The following GABRD variants were observed in gnomAD, a reference collection of about 807,000 sequenced individuals.
GABRD encodes the protein gamma-aminobutyric acid type A receptor subunit delta, also known as gamma-aminobutyric acid receptor subunit delta.
GABRD carries 25 observed loss-of-function variants against 47.3 expected under a neutral mutation model. The observed-to-expected ratio is 0.53, with a 90% confidence interval of 0.39 to 0.74. The LOEUF is 0.74. GABRD is among the 30% of genes least tolerant of loss of function. The pLI is 0.00. For synonymous variants in GABRD, 314 were observed against 278.8 expected (o/e 1.13, Z -1.26); for missense variants, 497 against 643.4 (o/e 0.77, Z 2.46).
In GABRD at chr1:2,030,237, G is replaced by A. The variant is rs138909980; in HGVS notation, c.1314G>A (p.Ala438=). The A allele has an allele frequency of 2.1e-5, 33 of 1,563,080 alleles. No homozygotes were observed. The African/African-American group carries it at 2.6e-4, about 12-fold the overall frequency. The change falls in exon 9 of 9, where the codon GCG becomes GCA. Residue 438 remains alanine (A), a synonymous_variant. Coordinates refer to ENST00000378585, the MANE Select transcript of GABRD (RefSeq NM_000815.5). ...ACGCCCGCGCTGTGTTCCCTGCGGC[G>A]TTTGCGGCCGTCAATGTCATCTACT... ...DIYARAVFPA[A]FAAVNVIYWA...
rs1477890771 is a variant in GABRD, at chr1:2,028,829, G to T, written c.692-282G>T. 1 of 505,768 alleles carries T rather than the reference G, an allele frequency of 2.0e-6. No homozygotes were observed. Among genetic ancestry groups the T allele is most frequent in the Non-Finnish European group, 3.5e-6 (1 of 286,250 alleles). 31.3% of individuals were successfully genotyped at this position (505,768 alleles called of 1,614,324 possible). A position where few individuals can be genotyped will look rare whatever the true frequency, so the allele number is the denominator to read the frequency against. On this transcript the variant is annotated intron_variant, in intron 6 of 8. Transcript: ENST00000378585. This position sits in a 1 kb window ranked among gnomAD's most constrained non-coding sequence, Gnocchi z 6.4. ...TGAGCCCTCCCCATTGGTTGCGAGG[G>T]TCCCTCAGGGCCAGTCCAGCAAACA...
Position 2,029,672 on chromosome 1 carries a change from C to A in GABRD, c.969C>A (p.Ala323=), listed in dbSNP as rs146381127. The A allele has an allele frequency of 6.2e-7, 1 of 1,613,546 alleles. No individual in the cohort carries two copies. The highest frequency in any genetic ancestry group is 1.7e-5 in the Admixed American group (1 of 60,022). Reference sequence around the variant, plus strand: ...GGATCTGCTATGTCTTCGTGTTTGCCGCCCTGGTGGAGTACGCCTTTGCTC... The same window carrying A: ...GGATCTGCTATGTCTTCGTGTTTGCAGCCCTGGTGGAGTACGCCTTTGCTC... ...YFWICYVFVF[A]ALVEYAFAHF... Residue 323 remains alanine (A), a synonymous_variant, in exon 8 of 9, where the codon GCC becomes GCA. Transcript: ENST00000378585.
chr1:2,028,300 ATGCCCGCCGCCCCTTCCGCATG>A lies in GABRD; in HGVS notation c.691+28_691+49del, dbSNP rs769061415. On this transcript the variant is annotated intron_variant, in intron 6 of 8. Coordinates refer to ENST00000378585, the MANE Select transcript of GABRD (RefSeq NM_000815.5). The surrounding 1 kb of genome is among the most constrained non-coding windows in gnomAD (Gnocchi z 6.4). ...TGATGAACTTCAAGTCCGGTAACAT[ATGCCCGCCGCCCCTTCCGCATG>A]TGCCCGCCGCCCCTTCCGCGCGCGC... 1.9e-4 allele frequency: 302 copies of A among 1,605,238 alleles called. 3 individuals are homozygous for A. The highest frequency in any genetic ancestry group is 1.8e-3 in the African/African-American group (133 of 73,338).
At position 2,027,568 on chromosome 1, in the gene GABRD, T is replaced by C. The variant is rs752114528; in HGVS notation, c.471-9T>C. ...CCCCAAGGCCTCACTGCCATGCTTG[T>C]CTTGGCAGAATCACCTCCACTGTGG... is the stretch of plus-strand genomic sequence containing the variant. On this transcript the variant is annotated splice_polypyrimidine_tract_variant and intron_variant, in intron 4 of 8. Transcript: ENST00000378585. The C allele has an allele frequency of 1.2e-6, 2 of 1,612,000 alleles. No individual in the cohort carries two copies. The highest frequency in any genetic ancestry group is 2.7e-5 in the African/African-American group (2 of 74,896).
chr1:2,029,413 G>A (rs1659021330), intron 7 of GABRD, 138 bp from the exon 8 acceptor site: 1 of 1,429,366 alleles, frequency 7.0e-7, no homozygotes, highest in Non-Finnish European at 9.4e-7. Context: ...GGCCAGGTCA[G>A]GGAAACAGGA....
intron 4 of GABRD, 190 bp from the exon 5 acceptor site, chr1:2,027,387 C>A (rs1043098354): frequency 1.5e-5 from 10 of 648,556 alleles, no homozygotes; most frequent in Non-Finnish European, 1.4e-5. Flanking sequence ...TCTTGACGGT[C>A]CTAAAGGAAT....
In GABRD at chr1:2,030,154, G is replaced by C; in HGVS notation, c.1231G>C (p.Gly411Arg). The change falls in exon 9 of 9, where the codon GGC becomes CGC. Residue 411 changes from glycine (G) to arginine (R), a missense_variant. Transcript: ENST00000378585. ...GAAGGAGGGGGCAGCCCGCTCAGGA[G>C]GCCAGGGGGGCATCCGTGCCCGGCT... ...TKKEGAARSG[G>R]QGGIRARLRP... 6.3e-7 allele frequency: 1 copy of C among 1,575,732 alleles called. No homozygotes were observed. Among genetic ancestry groups the C allele is most frequent in the Non-Finnish European group, 8.6e-7 (1 of 1,159,648 alleles).
intron 1 of GABRD, 112 bp from the exon 2 acceptor site, chr1:2,024,830 C>A: frequency 1.3e-6 from 1 of 751,600 alleles, no homozygotes; most frequent in East Asian, 2.7e-5. Context: ...CAGTGGCCCC[C>A]CATGCCCTGG....
At position 2,027,285 on chromosome 1, in the gene GABRD, C is replaced by T. The variant is rs75189284; in HGVS notation, c.471-292C>T. 1,203 of 487,108 alleles carry T rather than the reference C, an allele frequency of 2.5e-3. 10 individuals are homozygous for T. The highest frequency in any genetic ancestry group is 0.02 in the African/African-American group (1,025 of 51,350). The allele number at this position is 487,108 out of a possible 1,614,324, so 30.2% of individuals were successfully genotyped here. A position where few individuals can be genotyped will look rare whatever the true frequency, so the allele number is the denominator to read the frequency against. ...TGTGTTCCTCAGCCATCGCTCGGGCCAGGGCCTGGGTGTGAAGGCTGTCCC... is the reference window on the plus strand; with the variant it reads ...TGTGTTCCTCAGCCATCGCTCGGGCTAGGGCCTGGGTGTGAAGGCTGTCCC... On this transcript the variant is annotated intron_variant, in intron 4 of 8. Transcript: ENST00000378585.
intron 2 of GABRD, 54 bp downstream of exon 2, chr1:2,025,108 C>T (rs983989018): frequency 2.0e-5 from 30 of 1,492,786 alleles, no homozygotes; most frequent in Admixed American, 9.2e-5. Flanking sequence ...CAGGCTAGGC[C>T]GTGGCTGTGT....
In GABRD at chr1:2,030,059, G is replaced by C. The variant is rs369490217; in HGVS notation, c.1136G>C (p.Arg379Pro). ...ACGCAGGAGCTGGCCATCTCCCGCC[G>C]GCAGCGCCGCGTCCCGGGGAACCTG... ...GVTQELAISRRQRRVPGNLMG... is the reference protein window; with the variant it reads ...GVTQELAISRPQRRVPGNLMG... The change falls in exon 9 of 9, where the codon CGG becomes CCG. Residue 379 changes from arginine to proline, a missense_variant. Transcript: ENST00000378585. 8.1e-6 allele frequency: 13 copies of C among 1,611,340 alleles called. No individual in the cohort carries two copies. Among genetic ancestry groups the C allele is most frequent in the Non-Finnish European group, 1.1e-5 (13 of 1,179,330 alleles).
Position 2,030,508 on chromosome 1 carries a change from C to T in GABRD, c.*226C>T, listed in dbSNP as rs535047802. 146 of 416,626 alleles carry T rather than the reference C, an allele frequency of 3.5e-4. No individual in the cohort carries two copies. Among genetic ancestry groups the T allele is most frequent in the Middle Eastern group, 2.4e-3 (4 of 1,642 alleles). 25.8% of individuals were successfully genotyped at this position (416,626 alleles called of 1,614,324 possible). ...TCCGGCAGGCAGCCCGAGACCTGCA[C>T]AGATGAAGGAGCAGAGGTTCTGACC... On this transcript the variant is annotated 3_prime_UTR_variant, in exon 9 of 9. Coordinates refer to ENST00000378585, the MANE Select transcript of GABRD (RefSeq NM_000815.5).
intron 5 of GABRD, 67 bp downstream of exon 5, chr1:2,027,726 G>C (rs559125904): frequency 1.4e-6 from 2 of 1,412,946 alleles, no homozygotes; most frequent in Non-Finnish European, 2.0e-6. Context: ...CTGTCAGCCC[G>C]GGGCCTGGAC....
intron 8 of GABRD, 86 bp from the exon 9 acceptor site, chr1:2,029,897 C>A: frequency 6.4e-7 from 1 of 1,553,130 alleles, no homozygotes; most frequent in Admixed American, 1.7e-5. Context: ...CCAGGCGGGG[C>A]CCCCGCATGG....
In GABRD at chr1:2,029,782, C is replaced by A; in HGVS notation, c.1059+20C>A. 6.2e-7 allele frequency: 1 copy of A among 1,600,990 alleles called. No individual in the cohort carries two copies. Among genetic ancestry groups the A allele is most frequent in the Non-Finnish European group, 8.6e-7 (1 of 1,169,238 alleles). On this transcript the variant is annotated intron_variant, in intron 8 of 8. Coordinates refer to ENST00000378585, the MANE Select transcript of GABRD (RefSeq NM_000815.5). The stretch of plus-strand genomic sequence containing the variant: ...GCAGAGGTGAGGGCCTGGGGCCGAG[C>A]CAGGGACAGCACTGCTGGGGGCCCC...
chr1:2,028,496 A>G lies in GABRD; in HGVS notation c.691+204A>G, dbSNP rs1658995284. On this transcript the variant is annotated intron_variant, in intron 6 of 8. Coordinates refer to ENST00000378585, the MANE Select transcript of GABRD (RefSeq NM_000815.5). This position sits in a 1 kb window ranked among gnomAD's most constrained non-coding sequence, Gnocchi z 6.4. The stretch of plus-strand genomic sequence containing the variant: ...CCTTAGGAACTTGCTCATTGGCACC[A>G]GCTGCACCTGAACCAGGGCTTCCAG... Among the ~76,000 whole-genome samples, 1 of 152,146 alleles carries G rather than the reference A, an allele frequency of 6.6e-6. No homozygotes were observed.
In GABRD at chr1:2,030,062, A is replaced by G; in HGVS notation, c.1139A>G (p.Gln380Arg). 6.2e-7 allele frequency: 1 copy of G among 1,611,050 alleles called. No homozygotes were observed. Among genetic ancestry groups the G allele is most frequent in the Non-Finnish European group, 8.5e-7 (1 of 1,179,102 alleles). ...VTQELAISRRQRRVPGNLMGS... is the reference protein window; with the variant it reads ...VTQELAISRRRRRVPGNLMGS... ...CAGGAGCTGGCCATCTCCCGCCGGC[A>G]GCGCCGCGTCCCGGGGAACCTGATG... The change falls in exon 9 of 9, where the codon CAG becomes CGG. Residue 380 changes from glutamine (Q) to arginine (R), a missense_variant. Gln to Arg is a conservative substitution (Grantham distance 43, BLOSUM62 1). Coordinates refer to ENST00000378585, the MANE Select transcript of GABRD (RefSeq NM_000815.5).
Position 2,029,980 on chromosome 1 carries a change from C to T in GABRD, c.1060-3C>T. On this transcript the variant is annotated splice_region_variant and splice_polypyrimidine_tract_variant and intron_variant, in intron 8 of 8. Coordinates refer to ENST00000378585, the MANE Select transcript of GABRD (RefSeq NM_000815.5). ...CCTGTCTCCCCCACCGGCCTTCGTGCAGATGGACGTGAGGAACGCCATTGT... is the reference window on the plus strand; with the variant it reads ...CCTGTCTCCCCCACCGGCCTTCGTGTAGATGGACGTGAGGAACGCCATTGT... The T allele has an allele frequency of 1.2e-6, 2 of 1,612,358 alleles. No homozygotes were observed. The highest frequency in any genetic ancestry group is 1.7e-6 in the Non-Finnish European group (2 of 1,179,676).
At chr1:2,022,799 C>T (rs747558333) in intron 1 of GABRD, among the ~76,000 whole-genome samples, 13 of 152,248 alleles carry the variant, frequency 8.5e-5, no homozygotes, top group Non-Finnish European at 1.6e-4. Flanking sequence ...TCTGGATGGA[C>T]AGCAGCCCTG....
Sources: allele counts gnomAD v4.1 joint callset (sites outside exome capture counted in the v4.1 genomes callset), GRCh38; gene constraint gnomAD v4.1.1; non-coding constraint Gnocchi (gnomAD v3.1); transcripts MANE v1.5; gene names NCBI Gene and HGNC (gene_info 2026-07-23, HGNC 2026-07-21).